Variants in PATL2 observed in about 807,000 individuals in gnomAD.
PATL2 encodes the protein PAT1 homolog 2.
PATL2 carries 73 observed loss-of-function variants against 77.0 expected under a neutral mutation model. The observed-to-expected ratio is 0.95, with a 90% CI of 0.78 to 1.15. PATL2 has a LOEUF of 1.15. Among genes scored for constraint, PATL2 ranks in the 50% most tolerant of loss-of-function variants. The probability of loss-of-function intolerance (pLI) is 0.00; values close to 1 mark genes in which losing one functional copy is unlikely to be tolerated. For missense variants in PATL2, 618 were observed against 655.4 expected (o/e 0.94, Z 0.62); for synonymous variants, 265 against 257.1 (o/e 1.03, Z -0.29).
In PATL2 at chr15:44,676,477, T is replaced by C; in HGVS notation, c.14A>G (p.Glu5Gly). Residue 5 changes from glutamate (E) to glycine (G), a missense_variant and splice_region_variant, in exon 4 of 18, where the codon GAA (glutamate) becomes GGA (glycine). By Grantham distance (98) the Glu-to-Gly change is moderately conservative (BLOSUM62 -2). Transcript: ENST00000682850. Reference sequence around the variant, plus strand: ...CATCACGGCCCACTTGTTGATACCTTCAAGGCAATTCATCTTGGCAGGCTG... The same window carrying C: ...CATCACGGCCCACTTGTTGATACCTCCAAGGCAATTCATCTTGGCAGGCTG... MNCL[E>G]GPGKTCGPLA... 1 of 1,551,074 alleles carries C rather than the reference T, an allele frequency of 6.4e-7. No homozygotes were observed. Among genetic ancestry groups the C allele is most frequent in the Non-Finnish European group, 8.7e-7 (1 of 1,146,456 alleles).
At chr15:44,666,572 T>C in intron 16 of PATL2, 31 bp from the exon 17 acceptor site, 1 of 1,478,294 alleles carries the variant, frequency 6.8e-7, no homozygotes, top group South Asian at 1.4e-5. Flanking sequence ...TATAAGCAAA[T>C]AGATTTGCTT....
intron 3 of PATL2, among the ~76,000 whole-genome samples, chr15:44,705,336 C>T (rs1387052851): frequency 6.6e-6 from 1 of 152,102 alleles, no homozygotes; most frequent in African/African-American, 2.4e-5. Context: ...GCGCCTGCTG[C>T]CACGTCCAGC....
At chr15:44,684,010 T>A (rs1280360078) in intron 3 of PATL2, among the ~76,000 whole-genome samples, 1 of 151,442 alleles carries the variant, frequency 6.6e-6, no homozygotes, top group African/African-American at 2.4e-5. Flanking sequence ...GGGGCCTGAC[T>A]GTTAGAAGGA....
chr15:44,697,040 G>C (rs2086518311), intron 3 of PATL2, among the ~76,000 whole-genome samples: 1 of 152,140 alleles, frequency 6.6e-6, no homozygotes, highest in East Asian at 1.9e-4. Flanking sequence ...AGGTACTTTG[G>C]AGCAGGTAGC....
chr15:44,670,112 A>C, intron 9 of PATL2, 25 bp from the exon 10 acceptor site: 1 of 1,549,580 alleles, frequency 6.5e-7, no homozygotes, highest in Non-Finnish European at 8.7e-7. Flanking sequence ...AATAGGAAAC[A>C]AAAAAACAAA....
intron 3 of PATL2, among the ~76,000 whole-genome samples, chr15:44,692,637 TG>T (rs1435206708): frequency 6.6e-6 from 1 of 152,250 alleles, no homozygotes. Flanking sequence ...TGAACGACTG[TG>T]GTGAACACTG....
chr15:44,666,758 T>C (rs1184865266), intron 16 of PATL2: 14 of 547,928 alleles, frequency 2.6e-5, no homozygotes, highest in Non-Finnish European at 4.1e-5. Flanking sequence ...GAGGGGTTAA[T>C]ACCATCATCC....
At position 44,675,498 on chromosome 15, in the gene PATL2, GACAGCACCA is replaced by G; in HGVS notation, c.201_209del (p.Gly68_Val70del). Reference sequence around the variant, plus strand: ...TCTGCCATGGTACCTGGGTGTTGTGGACAGCACCAAGTACAGCTGGATCCCCAAGATCAT... The same window carrying G: ...TCTGCCATGGTACCTGGGTGTTGTGGAGTACAGCTGGATCCCCAAGATCAT... On this transcript the variant is annotated inframe_deletion, in exon 5 of 18. Coordinates refer to ENST00000682850, the MANE Select transcript of PATL2 (RefSeq NM_001387263.1). The G allele has an allele frequency of 6.4e-7, 1 of 1,551,394 alleles. No homozygotes were observed. Among genetic ancestry groups the G allele is most frequent in the Non-Finnish European group, 8.7e-7 (1 of 1,146,766 alleles).
chr15:44,675,541 T>A lies in PATL2; in HGVS notation c.167A>T (p.Glu56Val). 6 of 1,551,896 alleles carry A rather than the reference T, an allele frequency of 3.9e-6. No individual in the cohort carries two copies. The highest frequency in any genetic ancestry group is 5.2e-6 in the Non-Finnish European group (6 of 1,147,038). The change falls in exon 5 of 18, where the codon GAG becomes GTG. Residue 56 changes from glutamate (E) to valine (V), a missense_variant. Transcript: ENST00000682850. ...LDPDLDPDLEEEENDLGDPAV... is the reference protein window; with the variant it reads ...LDPDLDPDLEVEENDLGDPAV... ...TGGATCCCCAAGATCATTCTCTTCCTCCTCTAGGTCTGGGTCCAGATCTGG... is the reference window on the plus strand; with the variant it reads ...TGGATCCCCAAGATCATTCTCTTCCACCTCTAGGTCTGGGTCCAGATCTGG...
Position 44,669,835 on chromosome 15 carries a change from G to A in PATL2, c.818C>T (p.Ser273Leu), listed in dbSNP as rs951044203. The A allele has an allele frequency of 7.7e-6, 12 of 1,551,476 alleles. No homozygotes were observed. The highest frequency in any genetic ancestry group is 2.4e-5 in the South Asian group (2 of 84,062). The change falls in exon 11 of 18, where the codon TCG (serine) becomes TTG (leucine). Residue 273 changes from serine to leucine, a missense_variant. Physicochemically the swap from Ser to Leu is moderately radical, Grantham distance 145. Coordinates refer to ENST00000682850, the MANE Select transcript of PATL2 (RefSeq NM_001387263.1). ...AGCTCGGCGAGGGCTGAAGCATGTCGACACAGCTACCTGGCCCAGGGAACC... is the reference window on the plus strand; with the variant it reads ...AGCTCGGCGAGGGCTGAAGCATGTCAACACAGCTACCTGGCCCAGGGAACC... ...IEGSLGQVAV[S>L]TCFSPRRAID...
chr15:44,684,005 C>A (rs2086194890), intron 3 of PATL2, among the ~76,000 whole-genome samples: 1 of 151,546 alleles, frequency 6.6e-6, no homozygotes, highest in Non-Finnish European at 1.5e-5. Context: ...GCAGAGGGGC[C>A]TGACTGTTAG....
At chr15:44,680,164 T>C (rs1164394740) in intron 3 of PATL2, among the ~76,000 whole-genome samples, 8 of 152,202 alleles carry the variant, frequency 5.3e-5, no homozygotes, top group Non-Finnish European at 8.8e-5. Context: ...GTTCACACCT[T>C]GGTGAATATT....
chr15:44,669,763 G>A lies in PATL2; in HGVS notation c.876+14C>T, dbSNP rs1566849802. The A allele has an allele frequency of 6.4e-7, 1 of 1,551,180 alleles. No individual in the cohort carries two copies. The highest frequency in any genetic ancestry group is 8.7e-7 in the Non-Finnish European group (1 of 1,146,546). ...AAGGGGAGAGAAAAATGTCTGGGAA[G>A]ATAGTGCTCCCACCTGCTCTTGAGT... On this transcript the variant is annotated intron_variant, in intron 11 of 17. Coordinates refer to ENST00000682850, the MANE Select transcript of PATL2 (RefSeq NM_001387263.1).
At chr15:44,676,338 T>A (rs1332833394) in intron 4 of PATL2, 137 bp downstream of exon 4, 12 of 810,498 alleles carry the variant, frequency 1.5e-5, no homozygotes, top group African/African-American at 1.2e-4. Context: ...CAGTCACCCA[T>A]TATGATATAA....
chr15:44,665,927 C>A lies in PATL2; in HGVS notation c.*26G>T. 1 of 1,550,122 alleles carries A rather than the reference C, an allele frequency of 6.5e-7. No individual in the cohort carries two copies. Among genetic ancestry groups the A allele is most frequent in the Non-Finnish European group, 8.7e-7 (1 of 1,146,552 alleles). On this transcript the variant is annotated 3_prime_UTR_variant, in exon 18 of 18. Coordinates refer to ENST00000682850, the MANE Select transcript of PATL2 (RefSeq NM_001387263.1). The stretch of plus-strand genomic sequence containing the variant: ...TAGTGTCTGATGATTCAACTTCCCA[C>A]ATACACGTATTCCAGAACAAACAGA...
chr15:44,678,354 T>C (rs2086042197), intron 3 of PATL2, among the ~76,000 whole-genome samples: 1 of 152,192 alleles, frequency 6.6e-6, no homozygotes, highest in Non-Finnish European at 1.5e-5. Flanking sequence ...TGGTACTGAC[T>C]AGTACCAAAG....
chr15:44,684,568 C>T (rs1276949706), intron 3 of PATL2, among the ~76,000 whole-genome samples: 1 of 151,428 alleles, frequency 6.6e-6, no homozygotes, highest in Admixed American at 6.6e-5. Context: ...AAGTAATGAA[C>T]AAAGCCTCTG....
intron 3 of PATL2, among the ~76,000 whole-genome samples, chr15:44,693,341 G>A (rs2086433569): frequency 1.3e-5 from 2 of 152,146 alleles, no homozygotes; most frequent in Non-Finnish European, 2.9e-5. Flanking sequence ...GAGACTCTAT[G>A]GGAGAACCCA....
intron 3 of PATL2, among the ~76,000 whole-genome samples, chr15:44,705,299 C>T (rs2086710947): frequency 6.6e-6 from 1 of 152,128 alleles, no homozygotes; most frequent in African/African-American, 2.4e-5. Flanking sequence ...TCTCCTGCCT[C>T]AGCCTCCAGA....
Sources: gnomAD v4.1 joint callset for allele counts (sites outside exome capture counted in the v4.1 genomes callset) on GRCh38, gnomAD v4.1.1 for gene constraint, MANE v1.5 for transcripts, NCBI Gene and HGNC (gene_info 2026-07-23, HGNC 2026-07-21) for gene names.